Variants in CNTNAP5 observed in about 807,000 individuals in gnomAD.
The protein encoded by CNTNAP5 is contactin-associated protein-like 5.
Under a neutral mutation model 150.2 loss-of-function variants are expected in CNTNAP5, and 72 were observed. The ratio of observed to expected loss-of-function variants is 0.48; its 90% CI spans 0.40 to 0.58. CNTNAP5 has a LOEUF of 0.58. Among genes scored for constraint, CNTNAP5 ranks in the 20% least tolerant of loss-of-function variants. The pLI, the probability that CNTNAP5 is intolerant of heterozygous loss-of-function variation, is 0.00. For synonymous variants in CNTNAP5, 672 were observed against 619.8 expected (o/e 1.08, Z -1.25); for missense variants, 1,636 against 1,626.2 (o/e 1.01, Z -0.10).
chr2:124,049,731 T>C (rs993902605), intron 1 of CNTNAP5, among the ~76,000 whole-genome samples: 1 of 152,172 alleles, frequency 6.6e-6, no homozygotes, highest in African/African-American at 2.4e-5. Flanking sequence ...AATTAATATG[T>C]TTTGGCTTCT....
rs1276292053 is a variant in CNTNAP5, at chr2:124,333,932, C to T, written c.382-83511C>T. On this transcript the variant is annotated intron_variant, in intron 3 of 23. Transcript: ENST00000682447. The stretch of plus-strand genomic sequence containing the variant: ...TTGCTGCCAATTATCTTTAAAATTG[C>T]TGGTCTTGCTGGTGACTCATGAGTT... 3.3e-5 allele frequency among the ~76,000 whole-genome samples: 5 copies of T among 152,148 alleles called. No individual in the cohort carries two copies. The South Asian group carries it at 6.2e-4, about 19-fold the overall frequency.
intron 3 of CNTNAP5, among the ~76,000 whole-genome samples, chr2:124,382,722 A>G (rs2104739630): frequency 6.6e-6 from 1 of 152,236 alleles, no homozygotes; most frequent in East Asian, 1.9e-4. Flanking sequence ...GCAAACAGTA[A>G]AAAACAAGGC....
At chr2:124,683,974 T>TG (rs1679128192) in intron 13 of CNTNAP5, among the ~76,000 whole-genome samples, 1 of 152,174 alleles carries the variant, frequency 6.6e-6, no homozygotes, top group African/African-American at 2.4e-5. Context: ...GCACAAGGCC[T>TG]GGGGATGCTT....
chr2:124,207,937 A>G (rs920744371), intron 1 of CNTNAP5, among the ~76,000 whole-genome samples: 1 of 152,192 alleles, frequency 6.6e-6, no homozygotes, highest in African/African-American at 2.4e-5. Context: ...CATTTATAGC[A>G]TTTTATGTCT....
chr2:124,492,035 G>C, intron 7 of CNTNAP5, among the ~76,000 whole-genome samples: 1 of 151,946 alleles, frequency 6.6e-6, no homozygotes. Context: ...TTATCAGATA[G>C]CTAGCTTGTA....
At chr2:124,129,149 G>A (rs542483127) in intron 1 of CNTNAP5, among the ~76,000 whole-genome samples, 6 of 151,884 alleles carry the variant, frequency 4.0e-5, no homozygotes, top group Admixed American at 2.6e-4. Context: ...AAATATTTGC[G>A]TTTAATACAA....
chr2:124,773,174 TC>T (rs751980866), intron 17 of CNTNAP5, among the ~76,000 whole-genome samples, 157 bp downstream of exon 17: 130 of 152,328 alleles, frequency 8.5e-4, no homozygotes, highest in Non-Finnish European at 1.4e-3. Context: ...ATTCTTTTAT[TC>T]TGGCTTCATT....
chr2:124,676,205 C>T (rs554323395), intron 13 of CNTNAP5, among the ~76,000 whole-genome samples: 3 of 152,178 alleles, frequency 2.0e-5, no homozygotes, highest in Non-Finnish European at 2.9e-5. Flanking sequence ...TGTGTTGTAA[C>T]ATTACTTAAA....
At chr2:124,539,295 A>AC (rs544777360) in intron 10 of CNTNAP5, among the ~76,000 whole-genome samples, 511 of 152,312 alleles carry the variant, frequency 3.4e-3, no homozygotes, top group Non-Finnish European at 6.3e-3. Context: ...TTTGATTGTG[A>AC]CATGGATTTC....
At position 124,471,742 on chromosome 2, in the gene CNTNAP5, A is replaced by G. The variant is rs191685889; in HGVS notation, c.919-2997A>G. On this transcript the variant is annotated intron_variant, in intron 6 of 23. Transcript: ENST00000682447. ...TATTATTTTGAGGTATGTTCCTTCC[A>G]TATCTAGTTTTTTGACAGTTTTTAA... Among the ~76,000 whole-genome samples the G allele has an allele frequency of 2.4e-3, 370 of 152,152 alleles. 3 individuals carry two copies. The highest frequency in any genetic ancestry group is 7.9e-3 in the African/African-American group (326 of 41,526).
chr2:124,868,885 T>C (rs1048631373), intron 20 of CNTNAP5, among the ~76,000 whole-genome samples: 1 of 152,050 alleles, frequency 6.6e-6, no homozygotes, highest in South Asian at 2.1e-4. Flanking sequence ...ACCATATGCA[T>C]AGTCAGAGTA....
At chr2:124,895,185 T>G (rs1180158066) in intron 21 of CNTNAP5, among the ~76,000 whole-genome samples, 2 of 151,618 alleles carry the variant, frequency 1.3e-5, no homozygotes, top group Non-Finnish European at 2.9e-5. Flanking sequence ...ATCTATCTAT[T>G]TCTTCATCCT....
intron 4 of CNTNAP5, among the ~76,000 whole-genome samples, chr2:124,429,772 G>A (rs1260045821): frequency 1.3e-5 from 2 of 152,156 alleles, no homozygotes; most frequent in South Asian, 2.1e-4. Flanking sequence ...GGCTGAGCAT[G>A]GCCTGCAGAA....
chr2:124,331,175 A>G (rs1321188275), intron 3 of CNTNAP5, among the ~76,000 whole-genome samples: 1 of 152,154 alleles, frequency 6.6e-6, no homozygotes, highest in Non-Finnish European at 1.5e-5. Context: ...GCTTCAGACA[A>G]AACATCAGAA....
At chr2:124,892,766 G>T (rs1678220195) in intron 21 of CNTNAP5, among the ~76,000 whole-genome samples, 1 of 152,138 alleles carries the variant, frequency 6.6e-6, no homozygotes, top group Non-Finnish European at 1.5e-5. Flanking sequence ...AATTGAATTT[G>T]TGGTGTGATT....
intron 6 of CNTNAP5, among the ~76,000 whole-genome samples, chr2:124,471,261 TCTC>T (rs1346586164): frequency 2.0e-5 from 3 of 152,140 alleles, no homozygotes; most frequent in Non-Finnish European, 1.5e-5. Context: ...GGTTTGTAGT[TCTC>T]CTTGAAGAGG....
At chr2:124,095,760 A>G (rs1682921066) in intron 1 of CNTNAP5, among the ~76,000 whole-genome samples, 1 of 152,070 alleles carries the variant, frequency 6.6e-6, no homozygotes, top group Admixed American at 6.5e-5. Flanking sequence ...TGATTTTAAT[A>G]TGCATCTTTT....
intron 1 of CNTNAP5, among the ~76,000 whole-genome samples, chr2:124,120,554 A>G (rs1683536683): frequency 6.6e-6 from 1 of 152,202 alleles, no homozygotes; most frequent in Non-Finnish European, 1.5e-5. Context: ...ATCTGGTGTA[A>G]TCAGCTAATT....
In CNTNAP5 at chr2:124,412,706, T is replaced by G. The variant is rs1230315626; in HGVS notation, c.382-4737T>G. 4.4e-4 allele frequency among the ~76,000 whole-genome samples: 50 copies of G among 114,050 alleles called. 1 individual carries two copies. Among genetic ancestry groups the G allele is most frequent in the Non-Finnish European group, 5.3e-4 (31 of 57,952 alleles). 74.8% of individuals were successfully genotyped at this position (114,050 alleles called of 152,430 possible). A position where few individuals can be genotyped will look rare whatever the true frequency, so the allele number is the denominator to read the frequency against. On this transcript the variant is annotated intron_variant, in intron 3 of 23. Transcript: ENST00000682447. ...AGAAAGCTGAAACTGGATCCCTTCC[T>G]TACACCTTATACAAAAATCAATTCA...
Sources: allele counts gnomAD v4.1 joint callset (sites outside exome capture counted in the v4.1 genomes callset), GRCh38; gene constraint gnomAD v4.1.1; transcripts MANE v1.5; gene names NCBI Gene and HGNC (gene_info 2026-07-23, HGNC 2026-07-21).